The following GDF1 variants were observed in gnomAD, a reference collection of about 807,000 sequenced individuals.
GDF1 encodes growth differentiation factor 1.
Under a neutral mutation model 7.4 loss-of-function variants are expected in GDF1, and 8 were observed. That is an observed-to-expected ratio of 1.09 (90% confidence interval 0.64 to 1.96). The LOEUF is 1.96. GDF1 is among the 30% of genes most tolerant of loss of function. The pLI is 0.00. For synonymous variants in GDF1, 311 were observed against 276.7 expected (o/e 1.12, Z -1.23); for missense variants, 574 against 551.5 (o/e 1.04, Z -0.41).
chr19:18,894,130 G>A (rs1045573525), intron 1 of GDF1, among the ~76,000 whole-genome samples: 21 of 151,976 alleles, frequency 1.4e-4, no homozygotes, highest in Non-Finnish European at 2.8e-4. Context: ...AGGAGGGGCT[G>A]GAGGCAGAAA....
chr19:18,892,928 C>T (rs965143414), intron 2 of GDF1, among the ~76,000 whole-genome samples: 7 of 151,774 alleles, frequency 4.6e-5, no homozygotes, highest in African/African-American at 1.7e-4. Flanking sequence ...TTTTTCTTTT[C>T]TTTTTTAATA....
intron 3 of GDF1, among the ~76,000 whole-genome samples, chr19:18,880,845 GCAA>G (rs2056187105): frequency 6.6e-6 from 1 of 152,112 alleles, no homozygotes; most frequent in African/African-American, 2.4e-5. Context: ...CTACAGGAAA[GCAA>G]CACCACACAC....
intron 2 of GDF1, among the ~76,000 whole-genome samples, chr19:18,886,054 C>T (rs1008044852): frequency 3.7e-4 from 56 of 152,302 alleles, no homozygotes; most frequent in African/African-American, 1.3e-3. Context: ...CACCCCACCA[C>T]GTCCACCTCC....
intron 6 of GDF1, among the ~76,000 whole-genome samples, chr19:18,871,042 T>C (rs1015415205): frequency 2.6e-5 from 4 of 151,828 alleles, no homozygotes; most frequent in African/African-American, 9.7e-5. Flanking sequence ...CCAGTGGCCC[T>C]GGCTGGCATC....
At chr19:18,893,351 A>C in intron 2 of GDF1, 65 bp downstream of exon 2, 1 of 1,510,196 alleles carries the variant, frequency 6.6e-7, no homozygotes, top group Non-Finnish European at 8.9e-7. Context: ...AGTAGCTGGG[A>C]CCACAAGCCT....
intron 4 of GDF1, 145 bp from the exon 5 acceptor site, chr19:18,879,533 C>T: frequency 9.9e-7 from 1 of 1,012,358 alleles, no homozygotes; most frequent in South Asian, 1.7e-5. Context: ...CTGCTCTGTC[C>T]TTCCCCTCCC....
intron 6 of GDF1, among the ~76,000 whole-genome samples, chr19:18,876,501 A>G (rs1247004883): frequency 1.3e-5 from 2 of 150,930 alleles, no homozygotes; most frequent in African/African-American, 4.9e-5. Flanking sequence ...GCCACAACAC[A>G]TGGCTGTTTT....
chr19:18,871,881 C>T (rs770709331), intron 6 of GDF1, among the ~76,000 whole-genome samples: 1 of 152,194 alleles, frequency 6.6e-6, no homozygotes, highest in Non-Finnish European at 1.5e-5. Flanking sequence ...TTCCCATAAA[C>T]AAACCTCCGT....
chr19:18,870,240 G>C lies in GDF1; in HGVS notation c.68C>G (p.Ser23Trp). The change falls in exon 7 of 8, where the codon TCG (serine) becomes TGG (tryptophan). Residue 23 changes from serine to tryptophan, a missense_variant. Transcript: ENST00000247005. This position sits in a 1 kb window ranked among gnomAD's most constrained non-coding sequence, Gnocchi z 5.1. Reference sequence around the variant, plus strand: ...CACGGGGGCGCGGGTCAGGGGCAGCGAGGGCAGCAGCAGGGCCAGGAGGAG... The same window carrying C: ...CACGGGGGCGCGGGTCAGGGGCAGCCAGGGCAGCAGCAGGGCCAGGAGGAG... ...LLLLLALLLP[S>W]LPLTRAPVPP... is the part of the protein sequence containing the mutation. The C allele has an allele frequency of 6.4e-7, 1 of 1,553,280 alleles. No homozygotes were observed. Among genetic ancestry groups the C allele is most frequent in the South Asian group, 1.2e-5 (1 of 84,920 alleles).
In GDF1 at chr19:18,870,389, C is replaced by T. The variant is rs2055946852; in HGVS notation, c.-82G>A. The T allele has an allele frequency of 6.7e-7, 1 of 1,481,990 alleles. No homozygotes were observed. 91.8% of individuals were successfully genotyped at this position (1,481,990 alleles called of 1,614,324 possible). On this transcript the variant is annotated 5_prime_UTR_variant, in exon 7 of 8. Transcript: ENST00000247005. The surrounding 1 kb of genome is among the most constrained non-coding windows in gnomAD (Gnocchi z 5.1). ...TGGGCTGAGGGCGGGGCCGGTGTCC[C>T]CGGAGGGGCAGGGGTCCTGGGGGGC...
chr19:18,870,503 G>A lies in GDF1; in HGVS notation c.-196C>T. The A allele has an allele frequency of 1.8e-6, 1 of 548,666 alleles. No homozygotes were observed. The highest frequency in any genetic ancestry group is 3.3e-6 in the Non-Finnish European group (1 of 306,856). 34.0% of individuals were successfully genotyped at this position (548,666 alleles called of 1,614,324 possible). A position where few individuals can be genotyped will look rare whatever the true frequency, so the allele number is the denominator to read the frequency against. On this transcript the variant is annotated 5_prime_UTR_variant, in exon 7 of 8. Coordinates refer to ENST00000247005, the MANE Select transcript of GDF1 (RefSeq NM_001492.6). This position sits in a 1 kb window ranked among gnomAD's most constrained non-coding sequence, Gnocchi z 5.1. ...AGGAGCAGAGTTGGAGGGGGTGGAG[G>A]GGCGGCCAAGGACGGGGAGCGTGGC... is the stretch of plus-strand genomic sequence containing the variant.
rs1488278343 is a variant in GDF1 at position 18,890,355 on chromosome 19, C to T, written c.-914+3061G>A. On this transcript the variant is annotated intron_variant, in intron 2 of 7. Coordinates refer to ENST00000247005, the MANE Select transcript of GDF1 (RefSeq NM_001492.6). ...ACTGCACCGTCTGTTGCCCCTGCCA[C>T]ACGGCCAGCTTCATGAGGGCACAGG... Among the ~76,000 whole-genome samples, 9 of 152,376 alleles carry T rather than the reference C, an allele frequency of 5.9e-5. No individual in the cohort carries two copies. In the East Asian group the frequency reaches 1.7e-3, roughly 29 times the overall value.
Position 18,879,061 on chromosome 19 carries a change from G to A in GDF1, c.-422-22C>T. On this transcript the variant is annotated intron_variant, in intron 5 of 7. Coordinates refer to ENST00000247005, the MANE Select transcript of GDF1 (RefSeq NM_001492.6). ...TGTACTGCGAGAGGGGAGGGGAGGTGCCAGTGAGAAGAAAGCCCCCACGCC... is the reference window on the plus strand; with the variant it reads ...TGTACTGCGAGAGGGGAGGGGAGGTACCAGTGAGAAGAAAGCCCCCACGCC... 1.9e-6 allele frequency: 3 copies of A among 1,611,178 alleles called. No homozygotes were observed. In the East Asian group the frequency reaches 6.7e-5, roughly 36 times the overall value.
chr19:18,881,198 C>CA (rs2056197076), intron 3 of GDF1, among the ~76,000 whole-genome samples: 6 of 151,820 alleles, frequency 4.0e-5, no homozygotes, highest in Admixed American at 3.9e-4. Flanking sequence ...TGCCGCAGCC[C>CA]ATCAGGATCC....
At position 18,895,603 on chromosome 19, in the gene GDF1, G is replaced by A. The variant is rs550982791; in HGVS notation, c.-1074+221C>T. Among the ~76,000 whole-genome samples the A allele has an allele frequency of 1.2e-3, 175 of 150,436 alleles. No homozygotes were observed. Among genetic ancestry groups the A allele is most frequent in the South Asian group, 0.011 (51 of 4,710 alleles). ...CCCCGCATCTACCCGGTTCCCCCAC[G>A]CAGCACTGTCTGAAGGGGGCGCGCG... On this transcript the variant is annotated intron_variant, in intron 1 of 7. Coordinates refer to ENST00000247005, the MANE Select transcript of GDF1 (RefSeq NM_001492.6). This position sits in a 1 kb window ranked among gnomAD's most constrained non-coding sequence, Gnocchi z 6.4.
chr19:18,886,070 T>G (rs905960582), intron 2 of GDF1, among the ~76,000 whole-genome samples: 5 of 151,956 alleles, frequency 3.3e-5, no homozygotes, highest in East Asian at 3.9e-4. Context: ...CCTCCTCCTC[T>G]CCTCAGCCAC....
chr19:18,879,927 G>T (rs1049826617), intron 4 of GDF1, among the ~76,000 whole-genome samples: 1 of 150,504 alleles, frequency 6.6e-6, no homozygotes, highest in South Asian at 2.1e-4. Flanking sequence ...ACCCTGCTTG[G>T]CCCCACCCCT....
At position 18,870,966 on chromosome 19, in the gene GDF1, C is replaced by T. The variant is rs2055958947; in HGVS notation, c.-312-347G>A. ...CCTGGGCCTGACAACTCCACCGCCTCCACAGTGGGACCCTGCACATCCTCC... is the reference window on the plus strand; with the variant it reads ...CCTGGGCCTGACAACTCCACCGCCTTCACAGTGGGACCCTGCACATCCTCC... On this transcript the variant is annotated intron_variant, in intron 6 of 7. Transcript: ENST00000247005. The surrounding 1 kb of genome is among the most constrained non-coding windows in gnomAD (Gnocchi z 5.1). Among the ~76,000 whole-genome samples, 1 of 152,226 alleles carries T rather than the reference C, an allele frequency of 6.6e-6. No individual in the cohort carries two copies. Among genetic ancestry groups the T allele is most frequent in the South Asian group, 2.1e-4 (1 of 4,836 alleles).
chr19:18,896,085 C>T lies in GDF1; in HGVS notation c.-1335G>A. On this transcript the variant is annotated 5_prime_UTR_variant, in exon 1 of 8. Coordinates refer to ENST00000247005, the MANE Select transcript of GDF1 (RefSeq NM_001492.6). The surrounding 1 kb of genome is among the most constrained non-coding windows in gnomAD (Gnocchi z 5.9). ...CCGCCGCCGCCATACCGCCCGCTCG[C>T]CCGCCGTGCCCGTCGCCTGCGCCCG... 1 of 940,124 alleles carries T rather than the reference C, an allele frequency of 1.1e-6. No individual in the cohort carries two copies. Among genetic ancestry groups the T allele is most frequent in the Non-Finnish European group, 1.3e-6 (1 of 791,034 alleles). The allele number at this position is 940,124 out of a possible 1,614,324, so 58.2% of individuals were successfully genotyped here.
Sources: gnomAD v4.1 joint callset for allele counts (sites outside exome capture counted in the v4.1 genomes callset) on GRCh38, gnomAD v4.1.1 for gene constraint, Gnocchi (gnomAD v3.1) non-coding constraint, MANE v1.5 for transcripts, NCBI Gene and HGNC (gene_info 2026-07-23, HGNC 2026-07-21) for gene names.